Variants in SDK1 observed in about 807,000 individuals in gnomAD.
The protein encoded by SDK1 is sidekick cell adhesion molecule 1.
SDK1 carries 157 observed loss-of-function variants against 245.5 expected under a neutral mutation model. That is an observed-to-expected ratio of 0.64 (90% CI 0.56 to 0.73). SDK1 has a LOEUF of 0.73. Ranked by LOEUF, SDK1 falls within the 30% of genes least tolerant of loss-of-function variation. The pLI is 0.00. For missense variants in SDK1, 3,583 were observed against 3,002.3 expected, an observed-to-expected ratio of 1.19 and a Z score of -4.52; for synonymous variants, 1,647 against 1,278.5, an observed-to-expected ratio of 1.29 and a Z score of -6.15.
At chr7:3,380,023 T>A (rs950726572) in intron 1 of SDK1, among the ~76,000 whole-genome samples, 4 of 152,182 alleles carry the variant, frequency 2.6e-5, no homozygotes, top group African/African-American at 9.7e-5. Flanking sequence ...TGGGAAGCAA[T>A]ATACCAATAC....
intron 1 of SDK1, among the ~76,000 whole-genome samples, chr7:3,445,048 G>A (rs1780305079): frequency 6.6e-6 from 1 of 152,180 alleles, no homozygotes; most frequent in African/African-American, 2.4e-5. Flanking sequence ...ATAAATTTTG[G>A]TGTATTTATT....
rs186732640 is a variant in SDK1 at position 3,522,072 on chromosome 7, C to T, written c.299-97008C>T. ...AATCTTGACTTCATAGGATTGTTAC[C>T]ATTTCAAAACATAGGCTTTAAGTGA... On this transcript the variant is annotated intron_variant, in intron 1 of 44. Transcript: ENST00000404826. Among the ~76,000 whole-genome samples, 329 of 152,140 alleles carry T rather than the reference C, an allele frequency of 2.2e-3. 2 individuals carry two copies. Among genetic ancestry groups the T allele is most frequent in the Admixed American group, 5.0e-3 (76 of 15,270 alleles).
chr7:3,394,719 A>G (rs756899602), intron 1 of SDK1, among the ~76,000 whole-genome samples: 1 of 152,042 alleles, frequency 6.6e-6, no homozygotes, highest in Non-Finnish European at 1.5e-5. Context: ...TTACAGTACA[A>G]GTCTTGTTCT....
In SDK1 at chr7:4,031,655, T is replaced by TAAATATATGTAGATATAGC. The variant is rs1224028219; in HGVS notation, c.2602+14316_2602+14334dup. Among the ~76,000 whole-genome samples the TAAATATATGTAGATATAGC allele has an allele frequency of 2.6e-5, 4 of 152,238 alleles. No homozygotes were observed. In the East Asian group the frequency reaches 7.7e-4, roughly 29 times the overall value. On this transcript the variant is annotated intron_variant, in intron 17 of 44. Transcript: ENST00000404826. The stretch of plus-strand genomic sequence containing the variant: ...TGTAGATATAGCAACTATCTACATA[T>TAAATATATGTAGATATAGC]AAATATATGTAGATATAGCAAATAT...
At position 3,582,334 on chromosome 7, in the gene SDK1, TCTCAGGTAGGTCTCC is replaced by T. The variant is rs1461152135; in HGVS notation, c.299-36732_299-36718del. Among the ~76,000 whole-genome samples the T allele has an allele frequency of 2.8e-3, 359 of 128,916 alleles. 6 individuals carry two copies. Among genetic ancestry groups the T allele is most frequent in the African/African-American group, 9.2e-3 (335 of 36,362 alleles). 84.6% of individuals were successfully genotyped at this position (128,916 alleles called of 152,430 possible). On this transcript the variant is annotated intron_variant, in intron 1 of 44. Transcript: ENST00000404826. ...GGTAGGTCTGTCTCAGGTAGGTCTG[TCTCAGGTAGGTCTCC>T]CTCAGGTAGGTCTGTCTCAGGTAGG...
rs1204943580 is a variant in SDK1, at chr7:4,139,685, G to T, written c.4229-6037G>T. Among the ~76,000 whole-genome samples, 11 of 145,956 alleles carry T rather than the reference G, an allele frequency of 7.5e-5. 3 individuals are homozygous for T. The highest frequency in any genetic ancestry group is 1.6e-4 in the African/African-American group (6 of 38,172). On this transcript the variant is annotated intron_variant, in intron 28 of 44. Transcript: ENST00000404826. ...TATATGTGTGTGTGTATATGTGTGT[G>T]TGTGTATGTGTGTGTGTGTATGTGT...
chr7:3,442,529 C>A (rs1309575556), intron 1 of SDK1, among the ~76,000 whole-genome samples: 1 of 152,216 alleles, frequency 6.6e-6, no homozygotes, highest in Non-Finnish European at 1.5e-5. Context: ...ATTTTGGAAA[C>A]AAGGTTGTAT....
intron 4 of SDK1, among the ~76,000 whole-genome samples, chr7:3,744,877 C>G (rs572639713): frequency 4.0e-5 from 6 of 151,856 alleles, no homozygotes; most frequent in Non-Finnish European, 5.9e-5. Flanking sequence ...AGAAAACAAA[C>G]AAAAATGTAT....
At chr7:4,194,707 A>T (rs966164038) in intron 35 of SDK1, among the ~76,000 whole-genome samples, 9 of 152,146 alleles carry the variant, frequency 5.9e-5, no homozygotes, top group Admixed American at 6.5e-5. Context: ...CCTGCTTTAT[A>T]TTAAGTGGCA....
At chr7:3,473,886 A>G (rs1781260221) in intron 1 of SDK1, among the ~76,000 whole-genome samples, 1 of 151,786 alleles carries the variant, frequency 6.6e-6, no homozygotes, top group Non-Finnish European at 1.5e-5. Context: ...GTATGTTCCT[A>G]GCTACCACAG....
chr7:4,080,691 A>C (rs1780999124), intron 22 of SDK1, among the ~76,000 whole-genome samples: 1 of 152,170 alleles, frequency 6.6e-6, no homozygotes, highest in East Asian at 1.9e-4. Flanking sequence ...ACATCATCAC[A>C]CACCAGGGAC....
intron 25 of SDK1, among the ~76,000 whole-genome samples, chr7:4,123,244 A>C (rs550256976): frequency 6.6e-6 from 1 of 152,356 alleles, no homozygotes; most frequent in South Asian, 2.1e-4. Context: ...CAGAGGTTTT[A>C]GAACCTGGTA....
At chr7:3,973,690 G>C (rs1782668606) in intron 12 of SDK1, among the ~76,000 whole-genome samples, 1 of 151,856 alleles carries the variant, frequency 6.6e-6, no homozygotes, top group South Asian at 2.1e-4. Flanking sequence ...AGGAATGTTG[G>C]GTGCAGTTTT....
rs185378163 is a variant in SDK1 at position 4,203,122 on chromosome 7, A to C, written c.5099-2757A>C. Reference sequence around the variant, plus strand: ...CAGCCTCCAGCCCACCCCTTCCCGCAGAGGCAGGAGGCCACGCCATAACCC... The same window carrying C: ...CAGCCTCCAGCCCACCCCTTCCCGCCGAGGCAGGAGGCCACGCCATAACCC... On this transcript the variant is annotated intron_variant, in intron 35 of 44. Coordinates refer to ENST00000404826, the MANE Select transcript of SDK1 (RefSeq NM_152744.4). Among the ~76,000 whole-genome samples, 62 of 152,320 alleles carry C rather than the reference A, an allele frequency of 4.1e-4. 1 individual carries two copies. Among genetic ancestry groups the C allele is most frequent in the African/African-American group, 1.4e-3 (57 of 41,588 alleles).
intron 1 of SDK1, among the ~76,000 whole-genome samples, chr7:3,330,074 G>C: frequency 6.6e-6 from 1 of 152,074 alleles, no homozygotes; most frequent in East Asian, 1.9e-4. Context: ...GTATGTATAT[G>C]TCACCTTTTT....
At chr7:3,623,833 A>C (rs943796226) in intron 2 of SDK1, among the ~76,000 whole-genome samples, 19 of 152,250 alleles carry the variant, frequency 1.2e-4, no homozygotes, top group East Asian at 7.7e-4. Flanking sequence ...AACTCCTAAA[A>C]ATTTTATAGT....
intron 1 of SDK1, among the ~76,000 whole-genome samples, chr7:3,577,183 C>T (rs550111013): frequency 1.3e-5 from 2 of 152,208 alleles, no homozygotes; most frequent in Non-Finnish European, 1.5e-5. Flanking sequence ...CGCAGACCTA[C>T]TGCAAGACCC....
intron 4 of SDK1, among the ~76,000 whole-genome samples, chr7:3,718,941 C>A (rs1179843705): frequency 1.3e-5 from 2 of 152,132 alleles, no homozygotes; most frequent in Non-Finnish European, 2.9e-5. Flanking sequence ...TATACAAAAT[C>A]AACACATAAA....
At position 3,388,842 on chromosome 7, in the gene SDK1, C is replaced by G. The variant is rs570514418; in HGVS notation, c.298+86958C>G. ...TACTGTGTCAGGCACATGCTTGATGCTAGAGTATACAGATGATAAAGAGAA... is the reference window on the plus strand; with the variant it reads ...TACTGTGTCAGGCACATGCTTGATGGTAGAGTATACAGATGATAAAGAGAA... On this transcript the variant is annotated intron_variant, in intron 1 of 44. Coordinates refer to ENST00000404826, the MANE Select transcript of SDK1 (RefSeq NM_152744.4). 3.9e-5 allele frequency among the ~76,000 whole-genome samples: 6 copies of G among 152,206 alleles called. No homozygotes were observed. In the East Asian group the frequency reaches 7.7e-4, roughly 20 times the overall value.
Sources: allele counts gnomAD v4.1 joint callset (sites outside exome capture counted in the v4.1 genomes callset), GRCh38; gene constraint gnomAD v4.1.1; transcripts MANE v1.5; gene names NCBI Gene and HGNC (gene_info 2026-07-23, HGNC 2026-07-21).